Variants in UGGT1 observed in about 807,000 individuals in gnomAD.
The protein encoded by UGGT1 is UDP-glucose glycoprotein glucosyltransferase 1.
Under a neutral mutation model 203.9 loss-of-function variants are expected in UGGT1, and 107 were observed. That is an observed-to-expected ratio of 0.52 (90% confidence interval 0.45 to 0.62). UGGT1 has a LOEUF of 0.62. Among genes scored for constraint, UGGT1 ranks in the 20% least tolerant of loss-of-function variants. The pLI, the probability that UGGT1 is intolerant of heterozygous loss-of-function variation, is 0.00. For missense variants in UGGT1, 1,673 were observed against 1,867.2 expected (o/e 0.90, Z 1.92); for synonymous variants, 628 against 653.5 (o/e 0.96, Z 0.59).
intron 25 of UGGT1, among the ~76,000 whole-genome samples, chr2:128,163,511 C>T (rs995039917): frequency 1.3e-5 from 2 of 150,394 alleles, no homozygotes; most frequent in Non-Finnish European, 3.0e-5. Flanking sequence ...GTCAGGAGAT[C>T]GAGACCATCT....
chr2:128,111,507 ATTAT>A (rs1420383892), intron 5 of UGGT1, among the ~76,000 whole-genome samples: 8 of 152,014 alleles, frequency 5.3e-5, no homozygotes, highest in Non-Finnish European at 1.2e-4. Context: ...TTATTTATTT[ATTAT>A]TTATTTATTT....
chr2:128,110,891 A>G (rs994523636), intron 5 of UGGT1, among the ~76,000 whole-genome samples: 4 of 152,182 alleles, frequency 2.6e-5, no homozygotes, highest in Non-Finnish European at 5.9e-5. Flanking sequence ...TCCTGTTACA[A>G]TAAGGCTATA....
At chr2:128,093,216 C>G (rs906699127) in intron 1 of UGGT1, among the ~76,000 whole-genome samples, 1 of 151,762 alleles carries the variant, frequency 6.6e-6, no homozygotes, top group South Asian at 2.1e-4. Context: ...TTTTTGAAAA[C>G]AGTGTAGGGG....
At chr2:128,119,413 A>G (rs897615478) in intron 8 of UGGT1, among the ~76,000 whole-genome samples, 13 of 152,130 alleles carry the variant, frequency 8.5e-5, no homozygotes, top group African/African-American at 3.1e-4. Flanking sequence ...AGCCTGGGCA[A>G]CAAGAGTGAA....
intron 2 of UGGT1, among the ~76,000 whole-genome samples, chr2:128,102,739 A>G (rs942483128): frequency 1.3e-5 from 2 of 152,058 alleles, no homozygotes; most frequent in Non-Finnish European, 2.9e-5. Flanking sequence ...TTACTGGGAG[A>G]GTCTTAGTCT....
At chr2:128,128,702 C>A (rs1239426347) in intron 12 of UGGT1, among the ~76,000 whole-genome samples, 2 of 152,142 alleles carry the variant, frequency 1.3e-5, no homozygotes, top group Admixed American at 6.5e-5. Flanking sequence ...ATGTTTGCCT[C>A]TGTGAATTGG....
intron 16 of UGGT1, chr2:128,139,933 A>C (rs965778363): frequency 1.2e-4 from 19 of 153,696 alleles, no homozygotes; most frequent in African/African-American, 4.6e-4. Flanking sequence ...GCCACCATGG[A>C]GAAGAGTGAC....
At chr2:128,108,951 C>G (rs960600613) in intron 4 of UGGT1, among the ~76,000 whole-genome samples, 13 of 152,088 alleles carry the variant, frequency 8.5e-5, no homozygotes, top group African/African-American at 2.7e-4. Flanking sequence ...GCCCTGTCAC[C>G]CAGGCTGGAG....
chr2:128,184,286 A>G (rs951224233), intron 38 of UGGT1, among the ~76,000 whole-genome samples: 2 of 152,188 alleles, frequency 1.3e-5, no homozygotes, highest in African/African-American at 4.8e-5. Context: ...CAGAGGTGAG[A>G]TTGTAGTTTA....
Position 128,112,459 on chromosome 2 carries a change from T to C in UGGT1, c.522-625T>C, listed in dbSNP as rs1478571279. ...ACCCCCCAAAAAATACTATGTTATA[T>C]ATATATATATATATTACATACATAC... On this transcript the variant is annotated intron_variant, in intron 5 of 40. Coordinates refer to ENST00000259253, the MANE Select transcript of UGGT1 (RefSeq NM_020120.4). 3.5e-4 allele frequency among the ~76,000 whole-genome samples: 41 copies of C among 118,426 alleles called. 1 individual carries two copies. Among genetic ancestry groups the C allele is most frequent in the Non-Finnish European group, 5.5e-4 (30 of 54,406 alleles). The allele number at this position is 118,426 out of a possible 152,430, so 77.7% of individuals were successfully genotyped here. A position where few individuals can be genotyped will look rare whatever the true frequency, so the allele number is the denominator to read the frequency against.
chr2:128,128,845 A>C (rs969056702), intron 12 of UGGT1, among the ~76,000 whole-genome samples, 184 bp from the exon 13 acceptor site: 3 of 152,188 alleles, frequency 2.0e-5, no homozygotes, highest in African/African-American at 7.2e-5. Context: ...TTTTAAAATC[A>C]TGTGGTGTAA....
chr2:128,169,315 G>T (rs1690972301), intron 26 of UGGT1, among the ~76,000 whole-genome samples: 1 of 152,096 alleles, frequency 6.6e-6, no homozygotes, highest in Admixed American at 6.6e-5. Context: ...AGGCTTCAGT[G>T]AACCATGATC....
intron 31 of UGGT1, 129 bp from the exon 32 acceptor site, chr2:128,176,685 A>C: frequency 2.3e-6 from 2 of 854,770 alleles, no homozygotes; most frequent in Non-Finnish European, 3.8e-6. Context: ...AAGGAGCTTA[A>C]GGAGCAAGAA....
At chr2:128,124,654 A>T (rs1688526666) in intron 11 of UGGT1, among the ~76,000 whole-genome samples, 1 of 149,766 alleles carries the variant, frequency 6.7e-6, no homozygotes. Context: ...TGGCCTTTTA[A>T]AAGTCTCTTC....
chr2:128,151,222 T>G (rs1001032161), intron 18 of UGGT1: 1 of 586,130 alleles, frequency 1.7e-6, no homozygotes, highest in African/African-American at 1.8e-5. Context: ...CTATTTTTGT[T>G]TCTTCTGCTC....
intron 40 of UGGT1, among the ~76,000 whole-genome samples, chr2:128,189,139 C>T (rs1573643575): frequency 6.6e-6 from 1 of 152,086 alleles, no homozygotes; most frequent in Non-Finnish European, 1.5e-5. Flanking sequence ...GTGATGAAAC[C>T]GTTGTGGATG....
chr2:128,112,130 T>C (rs187951236), intron 5 of UGGT1, among the ~76,000 whole-genome samples: 1 of 143,242 alleles, frequency 7.0e-6, no homozygotes, highest in East Asian at 2.1e-4. Context: ...TAATATAACA[T>C]ATTATATTGG....
intron 26 of UGGT1, among the ~76,000 whole-genome samples, chr2:128,166,176 C>A (rs1237905592): frequency 6.6e-6 from 1 of 152,226 alleles, no homozygotes; most frequent in African/African-American, 2.4e-5. Context: ...CACTTAGATT[C>A]ACCAGTTGTT....
intron 1 of UGGT1, among the ~76,000 whole-genome samples, chr2:128,096,852 C>A (rs1687137548): frequency 6.6e-6 from 1 of 152,162 alleles, no homozygotes; most frequent in African/African-American, 2.4e-5. Context: ...TTTTATACCC[C>A]TGTATGGTGT....
Sources: allele counts gnomAD v4.1 joint callset (sites outside exome capture counted in the v4.1 genomes callset), GRCh38; gene constraint gnomAD v4.1.1; transcripts MANE v1.5; gene names NCBI Gene and HGNC (gene_info 2026-07-23, HGNC 2026-07-21).